The following BAZ2B variants were observed in gnomAD, a reference collection of about 807,000 sequenced individuals.
BAZ2B encodes bromodomain adjacent to zinc finger domain 2B.
BAZ2B carries 91 observed loss-of-function variants against 246.0 expected under a neutral mutation model. That is an observed-to-expected ratio of 0.37 (90% CI 0.31 to 0.44). The LOEUF (loss-of-function observed/expected upper bound fraction) is 0.44, where lower values mean the gene tolerates loss of function less well. Among genes scored for constraint, BAZ2B ranks in the 20% least tolerant of loss-of-function variants. BAZ2B has a pLI of 1.00. For missense variants in BAZ2B, 2,332 were observed against 2,533.7 expected (o/e 0.92, Z 1.71); for synonymous variants, 855 against 860.0 (o/e 0.99, Z 0.10).
intron 4 of BAZ2B, among the ~76,000 whole-genome samples, chr2:159,452,101 A>C (rs988980685): frequency 6.6e-6 from 1 of 152,198 alleles, no homozygotes; most frequent in Non-Finnish European, 1.5e-5. Flanking sequence ...ACTTGGTTTA[A>C]GACTTCTTTA....
chr2:159,677,771 A>G, the BAZ2B span, among the ~76,000 whole-genome samples: 3 of 152,290 alleles, frequency 2.0e-5, no homozygotes, highest in Admixed American at 1.3e-4. Context: ...CCAGATTACT[A>G]TAACATTTAG....
chr2:159,446,728 T>C lies in BAZ2B; in HGVS notation c.696+54A>G, dbSNP rs1317685640. 5.6e-6 allele frequency: 8 copies of C among 1,430,694 alleles called. No individual in the cohort carries two copies. In the Admixed American group the frequency reaches 1.0e-4, roughly 18 times the overall value. 88.6% of individuals were successfully genotyped at this position (1,430,694 alleles called of 1,614,324 possible). A position where few individuals can be genotyped will look rare whatever the true frequency, so the allele number is the denominator to read the frequency against. On this transcript the variant is annotated intron_variant, in intron 6 of 36. Coordinates refer to ENST00000392783, the MANE Select transcript of BAZ2B (RefSeq NM_013450.4). The stretch of plus-strand genomic sequence containing the variant: ...GATTCTGTTGATTTGACCTTCAGAA[T>C]GCTCATCTTATATATAGATCTGTTA...
At chr2:159,453,886 A>G (rs578193948) in intron 3 of BAZ2B, 85 bp from the exon 4 acceptor site, 4 of 1,165,238 alleles carry the variant, frequency 3.4e-6, no homozygotes, top group East Asian at 3.0e-5. Flanking sequence ...GTTAAAATTT[A>G]TAATAATTTA....
chr2:159,346,508 C>A (rs2067835568), intron 31 of BAZ2B, among the ~76,000 whole-genome samples: 1 of 152,146 alleles, frequency 6.6e-6, no homozygotes, highest in South Asian at 2.1e-4. Context: ...AGTTTGAGAC[C>A]AGCCTGGCCA....
chr2:159,349,206 T>C lies in BAZ2B; in HGVS notation c.4938A>G (p.Pro1646=). ...CTAGACTAGGTACAGATGATGTAAA[T>C]GGAATATTAGAAGTAACCACACCAG... The part of the protein sequence containing the change: ...WPTGVVTSNI[P]FTSSVPSLGS... The change falls in exon 29 of 37, where the codon CCA becomes CCG. Residue 1646 remains proline, a synonymous_variant. Coordinates refer to ENST00000392783, the MANE Select transcript of BAZ2B (RefSeq NM_013450.4). The C allele has an allele frequency of 3.7e-6, 6 of 1,614,052 alleles. No homozygotes were observed. Among genetic ancestry groups the C allele is most frequent in the Non-Finnish European group, 5.1e-6 (6 of 1,179,954 alleles).
At chr2:159,671,755 G>A in the BAZ2B span, among the ~76,000 whole-genome samples, 5 of 152,176 alleles carry the variant, frequency 3.3e-5, no homozygotes, top group Admixed American at 3.3e-4. Flanking sequence ...TAAGCTAATG[G>A]CCTTTCAGAT....
chr2:159,382,963 A>G (rs2062180026), intron 24 of BAZ2B, among the ~76,000 whole-genome samples, 161 bp from the exon 25 acceptor site: 1 of 152,122 alleles, frequency 6.6e-6, no homozygotes, highest in East Asian at 1.9e-4. Context: ...AACTTAAGAA[A>G]TGTTTCCATA....
the BAZ2B span, among the ~76,000 whole-genome samples, chr2:159,636,381 T>G: frequency 1.3e-5 from 2 of 152,274 alleles, no homozygotes; most frequent in Non-Finnish European, 2.9e-5. Flanking sequence ...AGAATGCAGC[T>G]CCTGGGAGAA....
chr2:159,370,520 G>A (rs1041705063), intron 27 of BAZ2B, among the ~76,000 whole-genome samples: 5 of 150,658 alleles, frequency 3.3e-5, no homozygotes, highest in Middle Eastern at 3.5e-3. Context: ...ACAGGCGCCC[G>A]CCACCACGCC....
intron 2 of BAZ2B, among the ~76,000 whole-genome samples, chr2:159,502,505 G>A (rs2081952509): frequency 6.6e-6 from 1 of 151,502 alleles, no homozygotes; most frequent in Non-Finnish European, 1.5e-5. Flanking sequence ...ATGGTGGCAC[G>A]TGCTTGTGGT....
the BAZ2B span, among the ~76,000 whole-genome samples, chr2:159,656,923 C>T: frequency 2.0e-5 from 3 of 152,034 alleles, no homozygotes; most frequent in Admixed American, 6.5e-5. Context: ...AATATTTTCT[C>T]CCACTCTGTG....
chr2:159,436,624 G>C (rs537612216), intron 8 of BAZ2B, among the ~76,000 whole-genome samples: 1 of 152,140 alleles, frequency 6.6e-6, no homozygotes, highest in Non-Finnish European at 1.5e-5. Context: ...GGTGGCGGGC[G>C]CCTGTAGTCC....
the BAZ2B span, among the ~76,000 whole-genome samples, chr2:159,628,373 G>C: frequency 1.3e-5 from 2 of 152,146 alleles, no homozygotes; most frequent in Admixed American, 1.3e-4. Context: ...ACAATCCTAA[G>C]CAAAAAGAAC....
intron 1 of BAZ2B, among the ~76,000 whole-genome samples, chr2:159,578,143 T>G (rs1207858123): frequency 6.6e-6 from 1 of 152,170 alleles, no homozygotes; most frequent in Non-Finnish European, 1.5e-5. Context: ...GAAAGAGTAC[T>G]AAATGAAGAC....
the BAZ2B span, chr2:159,689,880 G>T: frequency 2.4e-6 from 1 of 420,268 alleles, no homozygotes; most frequent in South Asian, 3.0e-5. Flanking sequence ...ATCCATATCT[G>T]ATTGTTGTGT....
chr2:159,681,081 C>G, the BAZ2B span, among the ~76,000 whole-genome samples: 1,067 of 152,174 alleles, frequency 7.0e-3, 8 homozygotes, highest in African/African-American at 0.024. Context: ...AAATTTCCTT[C>G]TACATAAAAT....
At chr2:159,641,871 T>C in the BAZ2B span, among the ~76,000 whole-genome samples, 3 of 152,180 alleles carry the variant, frequency 2.0e-5, no homozygotes, top group African/African-American at 7.2e-5. Flanking sequence ...ATTTTTCCTT[T>C]TTTCTCCTCT....
intron 19 of BAZ2B, 73 bp downstream of exon 19, chr2:159,397,272 T>C: frequency 1.5e-6 from 2 of 1,328,336 alleles, no homozygotes; most frequent in Non-Finnish European, 2.1e-6. Context: ...ATTTTGAAGA[T>C]TTTCCCCCAA....
intron 31 of BAZ2B, among the ~76,000 whole-genome samples, chr2:159,338,677 C>A (rs1318948745): frequency 6.6e-6 from 1 of 152,144 alleles, no homozygotes. Context: ...CAGTCAAATT[C>A]TATAATTTGC....
Sources: allele counts gnomAD v4.1 joint callset (sites outside exome capture counted in the v4.1 genomes callset), GRCh38; gene constraint gnomAD v4.1.1; transcripts MANE v1.5; gene names NCBI Gene and HGNC (gene_info 2026-07-23, HGNC 2026-07-21).